The following FILIP1 variants were observed in gnomAD, a reference collection of about 807,000 sequenced individuals.
The protein encoded by FILIP1 is filamin A interacting protein 1.
Under a neutral mutation model 102.1 loss-of-function variants are expected in FILIP1, and 61 were observed. That is an observed-to-expected ratio of 0.60 (90% CI 0.49 to 0.74). FILIP1 has a LOEUF of 0.74. FILIP1 is among the 30% of genes least tolerant of loss of function. The pLI, the probability that FILIP1 is intolerant of heterozygous loss-of-function variation, is 0.00. For missense variants in FILIP1, 1,314 were observed against 1,441.2 expected, an observed-to-expected ratio of 0.91 and a Z score of 1.43; for synonymous variants, 491 against 526.9, an observed-to-expected ratio of 0.93 and a Z score of 0.93.
intron 4 of FILIP1, among the ~76,000 whole-genome samples, chr6:75,333,933 T>C (rs1247369711): frequency 1.3e-5 from 2 of 152,098 alleles, no homozygotes; most frequent in African/African-American, 4.8e-5. Flanking sequence ...TTTATTATTC[T>C]TGTTATCACA....
chr6:75,481,217 G>A (rs1027645567), intron 1 of FILIP1, among the ~76,000 whole-genome samples: 6 of 152,100 alleles, frequency 3.9e-5, no homozygotes, highest in Non-Finnish European at 7.4e-5. Context: ...TGTTTTACCC[G>A]TAACTCCTGT....
At chr6:75,294,006 A>C (rs34447869) in exon 7 of FILIP1, 3 of 152,254 alleles carry the variant, frequency 2.0e-5, no homozygotes, top group Non-Finnish European at 2.9e-5. Flanking sequence ...ATGTTTTCAC[A>C]ATCATTCAAG....
chr6:75,463,761 C>T (rs1779090156), intron 1 of FILIP1, among the ~76,000 whole-genome samples: 1 of 152,128 alleles, frequency 6.6e-6, no homozygotes, highest in Middle Eastern at 3.2e-3. Flanking sequence ...ATATTAATAC[C>T]TTTAGATTTC....
At chr6:75,407,407 T>G (rs1776901573) in intron 2 of FILIP1, among the ~76,000 whole-genome samples, 1 of 152,102 alleles carries the variant, frequency 6.6e-6, no homozygotes. Flanking sequence ...TTTGTATTTT[T>G]AGTAGAGACG....
chr6:75,349,026 G>A (rs540651835), intron 4 of FILIP1, among the ~76,000 whole-genome samples: 1 of 152,204 alleles, frequency 6.6e-6, no homozygotes, highest in Non-Finnish European at 1.5e-5. Flanking sequence ...GTCCAAAAGT[G>A]CTAGAGTAGT....
intron 4 of FILIP1, among the ~76,000 whole-genome samples, chr6:75,325,944 A>G (rs1256164962): frequency 2.0e-5 from 3 of 152,232 alleles, no homozygotes; most frequent in African/African-American, 4.8e-5. Flanking sequence ...TATATGAAAA[A>G]GACACTTGCA....
intron 1 of FILIP1, among the ~76,000 whole-genome samples, chr6:75,487,169 A>C (rs918003056): frequency 1.3e-5 from 2 of 152,218 alleles, no homozygotes; most frequent in African/African-American, 2.4e-5. Flanking sequence ...CTTACTAAAC[A>C]GTTAATGAAA....
Position 75,312,582 on chromosome 6 carries a change from C to T in FILIP1, c.3250G>A (p.Glu1084Lys). ...ACAGTAATAACTGGACTGACTCCTT[C>T]ACCTGAAGTCCCAGGGGACCGTTTA... ...QFKRSPGTSG[E>K]GVSPVITVRP... is the part of the protein sequence containing the mutation. The change falls in exon 5 of 6, where the codon GAA becomes AAA. Residue 1084 changes from glutamate (E) to lysine (K), a missense_variant. By Grantham distance (56) the Glu-to-Lys change is moderately conservative. Around this residue, in one of 3 missense-constraint regions of FILIP1, gnomAD observed 816 missense variants for 913.1 expected, o/e 0.89. Coordinates refer to ENST00000237172, the MANE Select transcript of FILIP1 (RefSeq NM_015687.5). The T allele has an allele frequency of 6.2e-7, 1 of 1,614,092 alleles. No individual in the cohort carries two copies.
At chr6:75,302,823 C>CATGAT (rs61429237) in intron 6 of FILIP1, among the ~76,000 whole-genome samples, 62,392 of 149,082 alleles carry the variant, frequency 0.42, 13,217 homozygotes, top group East Asian at 0.5. Context: ...TATGATATGA[C>CATGAT]ATGATATGAT....
chr6:75,414,547 T>C, intron 2 of FILIP1, 150 bp downstream of exon 2: 1 of 757,454 alleles, frequency 1.3e-6, no homozygotes, highest in Admixed American at 2.6e-5. Context: ...TAGTGCAAAC[T>C]TGTGCCAGGC....
chr6:75,452,381 A>G (rs575078177), intron 1 of FILIP1, among the ~76,000 whole-genome samples: 3 of 151,954 alleles, frequency 2.0e-5, no homozygotes, highest in African/African-American at 7.3e-5. Flanking sequence ...TCCTTGCGAT[A>G]GTTTGCTGAG....
At chr6:75,415,607 G>A (rs1777240740) in intron 1 of FILIP1, among the ~76,000 whole-genome samples, 1 of 150,768 alleles carries the variant, frequency 6.6e-6, no homozygotes, top group Non-Finnish European at 1.5e-5. Flanking sequence ...AAAAGCAAAG[G>A]GAAGAGGAGG....
chr6:75,297,216 T>C (rs1772706102), intron 6 of FILIP1, among the ~76,000 whole-genome samples: 1 of 152,208 alleles, frequency 6.6e-6, no homozygotes, highest in Admixed American at 6.5e-5. Flanking sequence ...ATACCTAGTA[T>C]TTAAGTTTTA....
rs79192529 is a variant in FILIP1, at chr6:75,333,887, T to C, written c.630-18685A>G. On this transcript the variant is annotated intron_variant, in intron 4 of 5. Coordinates refer to ENST00000237172, the MANE Select transcript of FILIP1 (RefSeq NM_015687.5). ...TTGTTTAACATAATCCAAACTTTAC[T>C]CTCATTCCCACTTTGAAATCAAACC... Among the ~76,000 whole-genome samples the C allele has an allele frequency of 5.8e-3, 889 of 152,326 alleles. 9 individuals carry two copies. Among genetic ancestry groups the C allele is most frequent in the Non-Finnish European group, 9.2e-3 (626 of 68,028 alleles).
Position 75,379,684 on chromosome 6 carries a change from T to C in FILIP1, c.277-16767A>G, listed in dbSNP as rs142973917. ...GGCTTTATCTGCACTGGCCTCCTTG[T>C]TGTGCCTCAGACTCTCCAGGCACGC... On this transcript the variant is annotated intron_variant, in intron 2 of 5. Transcript: ENST00000237172. 7.2e-3 allele frequency among the ~76,000 whole-genome samples: 1,094 copies of C among 152,314 alleles called. 9 individuals are homozygous for C. Among genetic ancestry groups the C allele is most frequent in the Middle Eastern group, 0.02 (6 of 294 alleles).
rs759553483 is a variant in FILIP1 at position 75,372,761 on chromosome 6, A to G, written c.277-9844T>C. ...AAGAAAGAAAGAAAGAAAGAAAGAA[A>G]GAAAGAAAGAAAGAAAGAAAGAAAG... On this transcript the variant is annotated intron_variant, in intron 2 of 5. Transcript: ENST00000237172. Among the ~76,000 whole-genome samples, 179 of 64,690 alleles carry G rather than the reference A, an allele frequency of 2.8e-3. 21 individuals are homozygous for G. The highest frequency in any genetic ancestry group is 3.8e-3 in the African/African-American group (58 of 15,204). The allele number at this position is 64,690 out of a possible 152,430, so 42.4% of individuals were successfully genotyped here.
At chr6:75,427,658 A>G (rs1018084120) in intron 1 of FILIP1, among the ~76,000 whole-genome samples, 3 of 152,074 alleles carry the variant, frequency 2.0e-5, no homozygotes, top group African/African-American at 7.2e-5. Context: ...CTTACTTTAG[A>G]CACATTTCTC....
chr6:75,415,752 T>C (rs1382091699), intron 1 of FILIP1, among the ~76,000 whole-genome samples: 4 of 152,086 alleles, frequency 2.6e-5, no homozygotes, highest in Non-Finnish European at 5.9e-5. Context: ...AATCAAAACT[T>C]AAAACAGTAT....
At chr6:75,356,756 A>G (rs1433042177) in intron 3 of FILIP1, among the ~76,000 whole-genome samples, 2 of 152,114 alleles carry the variant, frequency 1.3e-5, no homozygotes, top group Non-Finnish European at 2.9e-5. Flanking sequence ...GGCATGAGCC[A>G]CCGCGGCTGG....
Sources: allele counts gnomAD v4.1 joint callset (sites outside exome capture counted in the v4.1 genomes callset), GRCh38; gene constraint gnomAD v4.1.1; regional missense constraint gnomAD v4.1.1; transcripts MANE v1.5; gene names NCBI Gene and HGNC (gene_info 2026-07-23, HGNC 2026-07-21).